The following SHH variants were observed in gnomAD, a reference collection of about 807,000 sequenced individuals.
The protein encoded by SHH is sonic hedgehog protein.
In SHH, 3 loss-of-function variants were observed where a neutral mutation model predicts 16.6. The ratio of observed to expected loss-of-function variants is 0.18; its 90% CI spans 0.08 to 0.47. SHH has a LOEUF of 0.47. SHH is among the 20% of genes least tolerant of loss of function. The pLI is 0.98. For synonymous variants in SHH, 351 were observed against 316.2 expected (o/e 1.11, Z -1.17); for missense variants, 499 against 665.0 (o/e 0.75, Z 2.75).
chr7:155,810,705 G>A (rs1457415126), intron 1 of SHH, among the ~76,000 whole-genome samples: 1 of 152,244 alleles, frequency 6.6e-6, no homozygotes, highest in African/African-American at 2.4e-5. Flanking sequence ...AGGGCGGCAC[G>A]GAGGTAGCTC....
rs774733360 is a variant in SHH at position 155,803,736 on chromosome 7, A to C, written c.563-10T>G. ...GCCGCCACCGAGTTCTCTGCGGGTG[A>C]GGAGAAGGGAAAGAAGAGAGGACAG... On this transcript the variant is annotated splice_polypyrimidine_tract_variant and intron_variant, in intron 2 of 2. Transcript: ENST00000297261. 5 of 1,592,476 alleles carry C rather than the reference A, an allele frequency of 3.1e-6. No homozygotes were observed. The South Asian group carries it at 5.5e-5, about 18-fold the overall frequency.
intron 1 of SHH, among the ~76,000 whole-genome samples, chr7:155,811,310 G>A (rs567312447): frequency 6.6e-6 from 1 of 152,204 alleles, no homozygotes; most frequent in African/African-American, 2.4e-5. Context: ...GGTGCAGGGT[G>A]GGGGTAGTGG....
In SHH at chr7:155,806,424, G is replaced by C; in HGVS notation, c.434C>G (p.Ala145Gly). 1 of 1,613,816 alleles carries C rather than the reference G, an allele frequency of 6.2e-7. No homozygotes were observed. Among genetic ancestry groups the C allele is most frequent in the Non-Finnish European group, 8.5e-7 (1 of 1,180,050 alleles). The change falls in exon 2 of 3, where the codon GCA becomes GGA. Residue 145 changes from alanine to glycine, a missense_variant. Physicochemically the swap from Ala to Gly is moderately conservative, Grantham distance 60 (BLOSUM62 0). Coordinates refer to ENST00000297261, the MANE Select transcript of SHH (RefSeq NM_000193.4). ...GCGGTCAGACGTGGTGATGTCCACTGCGCGGCCCTCGTAGTGCAGAGACTC... is the reference window on the plus strand; with the variant it reads ...GCGGTCAGACGTGGTGATGTCCACTCCGCGGCCCTCGTAGTGCAGAGACTC... ...SEESLHYEGRAVDITTSDRDR... is the reference protein window; with the variant it reads ...SEESLHYEGRGVDITTSDRDR...
At chr7:155,810,642 C>T (rs969594418) in intron 1 of SHH, among the ~76,000 whole-genome samples, 3 of 152,246 alleles carry the variant, frequency 2.0e-5, no homozygotes, top group Non-Finnish European at 4.4e-5. Flanking sequence ...GCTACCTTGC[C>T]TGCCCCTCGC....
chr7:155,803,411 G>A lies in SHH; in HGVS notation c.878C>T (p.Pro293Leu). 6 of 1,519,646 alleles carry A rather than the reference G, an allele frequency of 3.9e-6. No homozygotes were observed. The highest frequency in any genetic ancestry group is 5.3e-6 in the Non-Finnish European group (6 of 1,140,692). 94.1% of individuals were successfully genotyped at this position (1,519,646 alleles called of 1,614,324 possible). A position where few individuals can be genotyped will look rare whatever the true frequency, so the allele number is the denominator to read the frequency against. ...GEPEASSGSGPPSGGALGPRA... is the reference protein window; with the variant it reads ...GEPEASSGSGLPSGGALGPRA... ...AGGCCCCAGTGCGCCCCCGGAAGGCGGCCCCGAGCCCGAGGACGCCTCGGG... is the reference window on the plus strand; with the variant it reads ...AGGCCCCAGTGCGCCCCCGGAAGGCAGCCCCGAGCCCGAGGACGCCTCGGG... The change falls in exon 3 of 3, where the codon CCG (proline) becomes CTG (leucine). Residue 293 changes from proline (P) to leucine (L), a missense_variant. Physicochemically the swap from Pro to Leu is moderately conservative, Grantham distance 98 (BLOSUM62 -3). This residue lies in a region of SHH where 299 missense variants were observed against 301.1 expected (regional missense o/e 0.99). Transcript: ENST00000297261.
intron 2 of SHH, 105 bp downstream of exon 2, chr7:155,806,191 C>G (rs1027075833): frequency 2.1e-6 from 3 of 1,437,988 alleles, no homozygotes; most frequent in African/African-American, 2.8e-5. Flanking sequence ...AGCGACCCTG[C>G]TCCTGGCCCT....
rs1483858465 is a variant in SHH, at chr7:155,800,828, A to G, written c.*2072T>C. 3 of 347,748 alleles carry G rather than the reference A, an allele frequency of 8.6e-6. No individual in the cohort carries two copies. The highest frequency in any genetic ancestry group is 1.7e-5 in the Non-Finnish European group (3 of 175,112). 21.5% of individuals were successfully genotyped at this position (347,748 alleles called of 1,614,324 possible). ...AGCAGACCCTCAGGGACTGGGCCCA[A>G]CCTCGGGAGCCAGCCCCTGCCAGGT... is the stretch of plus-strand genomic sequence containing the variant. On this transcript the variant is annotated 3_prime_UTR_variant, in exon 3 of 3. Transcript: ENST00000297261.
rs895584873 is a variant in SHH at position 155,809,953 on chromosome 7, C to T, written c.300+1870G>A. Among the ~76,000 whole-genome samples, 5 of 151,782 alleles carry T rather than the reference C, an allele frequency of 3.3e-5. No individual in the cohort carries two copies. Among genetic ancestry groups the T allele is most frequent in the African/African-American group, 7.2e-5 (3 of 41,496 alleles). ...CAGGCCGGCGGAGCCCGCGATGCGC[C>T]CCGGCCCCTGCGCGGGCGCCCCCAT... On this transcript the variant is annotated intron_variant, in intron 1 of 2. Transcript: ENST00000297261. The surrounding 1 kb of genome is among the most constrained non-coding windows in gnomAD (Gnocchi z 6.1).
At position 155,811,825 on chromosome 7, in the gene SHH, G is replaced by C; in HGVS notation, c.298C>G (p.Gln100Glu). ...ENTGADRLMTQRCKDKLNALA... is the reference protein window; with the variant it reads ...ENTGADRLMTERCKDKLNALA... The stretch of plus-strand genomic sequence containing the variant: ...ACGCCCCGGCGCTGGGTTCCTACCT[G>C]AGTCATCAGCCTGTCCGCTCCGGTG... Residue 100 changes from glutamine to glutamate, a missense_variant and splice_region_variant, in exon 1 of 3, where the codon CAG becomes GAG. Around this residue, in one of 4 missense-constraint regions of SHH, gnomAD observed 11 missense variants for 48.5 expected, o/e 0.23. Transcript: ENST00000297261. The C allele has an allele frequency of 6.2e-7, 1 of 1,614,170 alleles. No homozygotes were observed. The highest frequency in any genetic ancestry group is 8.5e-7 in the Non-Finnish European group (1 of 1,180,020).
At chr7:155,806,080 G>A (rs2117136450) in intron 2 of SHH, among the ~76,000 whole-genome samples, 1 of 152,350 alleles carries the variant, frequency 6.6e-6, no homozygotes, top group Non-Finnish European at 1.5e-5. Context: ...CCATCTCGGG[G>A]CATGGAGAAC....
chr7:155,802,096 A>AAG lies in SHH; in HGVS notation c.*803_*804insCT, dbSNP rs1554493434. 6.7e-4 allele frequency: 97 copies of AAG among 145,712 alleles called. No homozygotes were observed. The highest frequency in any genetic ancestry group is 2.4e-3 in the African/African-American group (94 of 38,938). The allele number at this position is 145,712 out of a possible 1,614,324, so 9.0% of individuals were successfully genotyped here. A position where few individuals can be genotyped will look rare whatever the true frequency, so the allele number is the denominator to read the frequency against. On this transcript the variant is annotated 3_prime_UTR_variant, in exon 3 of 3. Coordinates refer to ENST00000297261, the MANE Select transcript of SHH (RefSeq NM_000193.4). ...TTGTCCAAAAAAAAAAAAAAAAAAA[A>AAG]AAAAGAAAAGAAAAGAAAAAGAAAA...
rs1395265030 is a variant in SHH, at chr7:155,803,200, G to A, written c.1089C>T (p.Cys363=). The A allele has an allele frequency of 6.7e-7, 1 of 1,497,578 alleles. No individual in the cohort carries two copies. Among genetic ancestry groups the A allele is most frequent in the Non-Finnish European group, 8.9e-7 (1 of 1,127,858 alleles). The allele number at this position is 1,497,578 out of a possible 1,614,324, so 92.8% of individuals were successfully genotyped here. A position where few individuals can be genotyped will look rare whatever the true frequency, so the allele number is the denominator to read the frequency against. The change falls in exon 3 of 3, where the codon TGC becomes TGT. Residue 363 remains cysteine, a synonymous_variant. Coordinates refer to ENST00000297261, the MANE Select transcript of SHH (RefSeq NM_000193.4). ...TILINRVLAS[C]YAVIEEHSWA... ...AGCTGTGCTCCTCGATGACCGCGTA[G>A]CACGAGGCCAGCACCCGGTTGATGA...
At position 155,802,767 on chromosome 7, in the gene SHH, T is replaced by C. The variant is rs542474685; in HGVS notation, c.*133A>G. Reference sequence around the variant, plus strand: ...TTTCCTTAGAGTCTACTTTGGACTGTCCTACTTTATTATTCTTATTCTTAT... The same window carrying C: ...TTTCCTTAGAGTCTACTTTGGACTGCCCTACTTTATTATTCTTATTCTTAT... On this transcript the variant is annotated 3_prime_UTR_variant, in exon 3 of 3. Coordinates refer to ENST00000297261, the MANE Select transcript of SHH (RefSeq NM_000193.4). 385 of 541,648 alleles carry C rather than the reference T, an allele frequency of 7.1e-4. 1 individual carries two copies. Among genetic ancestry groups the C allele is most frequent in the African/African-American group, 5.2e-3 (258 of 49,486 alleles). 33.6% of individuals were successfully genotyped at this position (541,648 alleles called of 1,614,324 possible).
At position 155,803,667 on chromosome 7, in the gene SHH, C is replaced by G. The variant is rs368283830; in HGVS notation, c.622G>C (p.Glu208Gln). 6.3e-7 allele frequency: 1 copy of G among 1,597,726 alleles called. No individual in the cohort carries two copies. The highest frequency in any genetic ancestry group is 1.3e-5 in the African/African-American group (1 of 74,910). The change falls in exon 3 of 3, where the codon GAG (glutamate) becomes CAG (glutamine). Residue 208 changes from glutamate to glutamine, a missense_variant. Glu to Gln is a conservative substitution (Grantham distance 29, BLOSUM62 2). Coordinates refer to ENST00000297261, the MANE Select transcript of SHH (RefSeq NM_000193.4). ...CFPGSATVHL[E>Q]QGGTKLVKDL... is the part of the protein sequence containing the mutation. ...TTCACCAGCTTGGTGCCGCCCTGCT[C>G]CAGGTGCACCGTGGCCGAGCCCGGG...
Position 155,812,181 on chromosome 7 carries a change from GC to G in SHH, c.-60del. 1 of 1,556,332 alleles carries G rather than the reference GC, an allele frequency of 6.4e-7. No homozygotes were observed. Among genetic ancestry groups the G allele is most frequent in the East Asian group, 2.2e-5 (1 of 44,582 alleles). On this transcript the variant is annotated 5_prime_UTR_variant, in exon 1 of 3. Coordinates refer to ENST00000297261, the MANE Select transcript of SHH (RefSeq NM_000193.4). ...CCCGTGCGGGTCCGTGCGCGAGTGC[GC>G]GCGGCGGGTGTGTGCGTGTGCGCTC...
At position 155,803,019 on chromosome 7, in the gene SHH, G is replaced by T. The variant is rs104894048; in HGVS notation, c.1270C>A (p.Pro424Thr). ...ATGCCCGCGGTGGCCCCCGCACCCGGAGCGTCGGCAGCACCTGGAGCGGTT... is the reference window on the plus strand; with the variant it reads ...ATGCCCGCGGTGGCCCCCGCACCCGTAGCGTCGGCAGCACCTGGAGCGGTT... ...ALTAPGAADA[P>T]GAGATAGIHW... Residue 424 changes from proline (P) to threonine (T), a missense_variant, in exon 3 of 3, where the codon CCG becomes ACG. Physicochemically the swap from Pro to Thr is conservative, Grantham distance 38. Coordinates refer to ENST00000297261, the MANE Select transcript of SHH (RefSeq NM_000193.4). 1.2e-5 allele frequency: 18 copies of T among 1,545,494 alleles called. 1 individual carries two copies. In the South Asian group the frequency reaches 2.2e-4, roughly 19 times the overall value.
chr7:155,811,874 G>A lies in SHH; in HGVS notation c.249C>T (p.Asp83=). 6.2e-7 allele frequency: 1 copy of A among 1,614,168 alleles called. No individual in the cohort carries two copies. The highest frequency in any genetic ancestry group is 8.5e-7 in the Non-Finnish European group (1 of 1,180,042). ...FKELTPNYNP[D]IIFKDEENTG... ...TGTTTTCTTCATCCTTAAATATGATGTCGGGGTTGTAATTGGGGGTGAGTT... is the reference window on the plus strand; with the variant it reads ...TGTTTTCTTCATCCTTAAATATGATATCGGGGTTGTAATTGGGGGTGAGTT... Residue 83 remains aspartate (D), a synonymous_variant, in exon 1 of 3, where the codon GAC becomes GAT. Coordinates refer to ENST00000297261, the MANE Select transcript of SHH (RefSeq NM_000193.4).
chr7:155,806,252 A>T (rs780612817), intron 2 of SHH, 44 bp downstream of exon 2: 25 of 1,612,014 alleles, frequency 1.6e-5, no homozygotes, highest in Non-Finnish European at 1.8e-5. Context: ...AGGTGCGCCA[A>T]TGGCCTTCCT....
Position 155,801,794 on chromosome 7 carries a change from C to G in SHH, c.*1106G>C, listed in dbSNP as rs1803185977. The G allele has an allele frequency of 6.6e-6, 1 of 151,964 alleles. No individual in the cohort carries two copies. The highest frequency in any genetic ancestry group is 1.5e-5 in the Non-Finnish European group (1 of 67,992). 9.4% of individuals were successfully genotyped at this position (151,964 alleles called of 1,614,324 possible). On this transcript the variant is annotated 3_prime_UTR_variant, in exon 3 of 3. Coordinates refer to ENST00000297261, the MANE Select transcript of SHH (RefSeq NM_000193.4). ...GTTTCCCAAACAAAGAAGCCAAAAA[C>G]TAAAAGAAAAAGGGCTGCAACAGGA...
Sources: allele counts gnomAD v4.1 joint callset (sites outside exome capture counted in the v4.1 genomes callset), GRCh38; gene constraint gnomAD v4.1.1; regional missense constraint gnomAD v4.1.1; non-coding constraint Gnocchi (gnomAD v3.1); transcripts MANE v1.5; gene names NCBI Gene and HGNC (gene_info 2026-07-23, HGNC 2026-07-21).